WDR72: variants seen among roughly 807,000 people sequenced by gnomAD.
WDR72 encodes the protein WD repeat-containing protein 72.
WDR72 carries 120 observed loss-of-function variants against 124.2 expected under a neutral mutation model. The ratio of observed to expected loss-of-function variants is 0.97; its 90% confidence interval spans 0.83 to 1.12. WDR72 has a LOEUF of 1.12. Among genes scored for constraint, WDR72 ranks in the 50% most tolerant of loss-of-function variants. WDR72 has a pLI of 0.00. For synonymous variants in WDR72, 452 were observed against 441.7 expected, an observed-to-expected ratio of 1.02 and a Z score of -0.29; for missense variants, 1,387 against 1,278.8, an observed-to-expected ratio of 1.08 and a Z score of -1.29.
At chr15:53,638,087 T>G (rs182345166) in intron 14 of WDR72, among the ~76,000 whole-genome samples, 3 of 152,196 alleles carry the variant, frequency 2.0e-5, no homozygotes, top group Admixed American at 6.5e-5. Context: ...AAGCAGCATT[T>G]TTTTCCTTTT....
intron 13 of WDR72, among the ~76,000 whole-genome samples, chr15:53,672,601 G>T (rs928009560): frequency 3.3e-5 from 5 of 152,118 alleles, no homozygotes; most frequent in African/African-American, 1.2e-4. Flanking sequence ...ATGACATGTA[G>T]TGTGAAGGAT....
intron 18 of WDR72, among the ~76,000 whole-genome samples, chr15:53,543,779 C>T (rs1000707353): frequency 6.6e-6 from 1 of 152,076 alleles, no homozygotes; most frequent in Non-Finnish European, 1.5e-5. Context: ...AGAGAAGAAT[C>T]TAATAGACGC....
chr15:53,686,569 G>C (rs1297615685), intron 13 of WDR72, among the ~76,000 whole-genome samples: 1 of 151,604 alleles, frequency 6.6e-6, no homozygotes, highest in Non-Finnish European at 1.5e-5. Context: ...AGCAAGTCCT[G>C]AGTGACCTAC....
chr15:53,674,839 A>G (rs1364257528), intron 13 of WDR72, among the ~76,000 whole-genome samples: 2 of 152,106 alleles, frequency 1.3e-5, no homozygotes, highest in Non-Finnish European at 2.9e-5. Flanking sequence ...CATTCACAGC[A>G]ATGCTGGGAT....
At chr15:53,521,926 A>G (rs1891821642) in intron 19 of WDR72, among the ~76,000 whole-genome samples, 1 of 152,074 alleles carries the variant, frequency 6.6e-6, no homozygotes, top group Non-Finnish European at 1.5e-5. Context: ...AGTGAGACTC[A>G]TCTACATTTT....
At position 53,702,902 on chromosome 15, in the gene WDR72, A is replaced by ATT. The variant is rs34689229; in HGVS notation, c.1349-550_1349-549dup. On this transcript the variant is annotated intron_variant, in intron 11 of 19. Coordinates refer to ENST00000360509, the MANE Select transcript of WDR72 (RefSeq NM_182758.4). ...TTCAGAATATTACTTATTTTCATTC[A>ATT]TTTTTTTTTTTTTTTGAGACAGGGT... 5.8e-4 allele frequency among the ~76,000 whole-genome samples: 83 copies of ATT among 143,754 alleles called. 1 individual carries two copies. The South Asian group carries it at 6.1e-3, about 10-fold the overall frequency. The allele number at this position is 143,754 out of a possible 152,430, so 94.3% of individuals were successfully genotyped here.
At chr15:53,589,546 C>T (rs936485910) in intron 18 of WDR72, among the ~76,000 whole-genome samples, 17 of 150,072 alleles carry the variant, frequency 1.1e-4, no homozygotes, top group East Asian at 3.9e-4. Flanking sequence ...GGGTCAGTGT[C>T]GGGAGGTCAG....
chr15:53,615,320 C>G, intron 15 of WDR72, 106 bp downstream of exon 15: 1 of 874,236 alleles, frequency 1.1e-6, no homozygotes, highest in Non-Finnish European at 1.7e-6. Flanking sequence ...TACTTACCCC[C>G]CACTGGAAAG....
intron 18 of WDR72, among the ~76,000 whole-genome samples, chr15:53,588,287 T>G (rs2012323623): frequency 6.6e-6 from 1 of 151,954 alleles, no homozygotes; most frequent in African/African-American, 2.4e-5. Context: ...AGCACAAGAT[T>G]AATAAGTTCC....
chr15:53,714,027 TAGA>T (rs1198661472), intron 6 of WDR72, among the ~76,000 whole-genome samples: 1 of 152,182 alleles, frequency 6.6e-6, no homozygotes, highest in East Asian at 1.9e-4. Flanking sequence ...TGCCAGTGAA[TAGA>T]TGAATATACT....
chr15:53,744,588 C>T (rs1055903441), intron 1 of WDR72, among the ~76,000 whole-genome samples: 5 of 152,204 alleles, frequency 3.3e-5, no homozygotes, highest in Non-Finnish European at 7.3e-5. Context: ...ACCATAGGGC[C>T]TCTCAAATCA....
chr15:53,631,099 T>C (rs549269713), intron 14 of WDR72, among the ~76,000 whole-genome samples: 1 of 152,188 alleles, frequency 6.6e-6, no homozygotes, highest in African/African-American at 2.4e-5. Flanking sequence ...TAATCCCCAA[T>C]GCTGGAGGTG....
At chr15:53,756,264 T>C (rs2018902994) in intron 1 of WDR72, among the ~76,000 whole-genome samples, 1 of 152,264 alleles carries the variant, frequency 6.6e-6, no homozygotes, top group South Asian at 2.1e-4. Flanking sequence ...CCCCCTTTGC[T>C]CCGCACTCAT....
intron 3 of WDR72, among the ~76,000 whole-genome samples, chr15:53,717,771 G>A (rs898465014): frequency 1.3e-5 from 2 of 152,062 alleles, no homozygotes; most frequent in Non-Finnish European, 2.9e-5. Flanking sequence ...TAGTACTGAG[G>A]TTGAGAAATA....
intron 7 of WDR72, among the ~76,000 whole-genome samples, chr15:53,712,495 T>C (rs1423930471): frequency 6.7e-6 from 1 of 149,732 alleles, no homozygotes; most frequent in Non-Finnish European, 1.5e-5. Context: ...ACTAGGAGGC[T>C]GAGGCAGGAG....
At chr15:53,660,836 C>T (rs76047809) in intron 14 of WDR72, among the ~76,000 whole-genome samples, 1 of 152,214 alleles carries the variant, frequency 6.6e-6, no homozygotes, top group African/African-American at 2.4e-5. Flanking sequence ...TTGATATAAG[C>T]TCTTTTGGAT....
At chr15:53,570,558 G>T (rs2140304804) in intron 18 of WDR72, among the ~76,000 whole-genome samples, 1 of 152,154 alleles carries the variant, frequency 6.6e-6, no homozygotes, top group East Asian at 1.9e-4. Flanking sequence ...CAGTCAGAAT[G>T]GGTATTATTA....
At chr15:53,613,550 T>A in intron 16 of WDR72, 116 bp downstream of exon 16, 2 of 731,222 alleles carry the variant, frequency 2.7e-6, no homozygotes, top group South Asian at 3.2e-5. Context: ...ATAGGTAAAA[T>A]CTATGTTTTA....
intron 19 of WDR72, among the ~76,000 whole-genome samples, chr15:53,519,920 C>G (rs1435868137): frequency 6.6e-6 from 1 of 152,030 alleles, no homozygotes; most frequent in African/African-American, 2.4e-5. Context: ...AATCTACATA[C>G]TGAGTTCAAG....
Sources: allele counts gnomAD v4.1 joint callset (sites outside exome capture counted in the v4.1 genomes callset), GRCh38; gene constraint gnomAD v4.1.1; transcripts MANE v1.5; gene names NCBI Gene and HGNC (gene_info 2026-07-23, HGNC 2026-07-21).